DCDC2C: variants seen among roughly 807,000 people sequenced by gnomAD.
DCDC2C encodes doublecortin domain containing 2C, also known as doublecortin domain-containing protein 2C.
Under a neutral mutation model 45.0 loss-of-function variants are expected in DCDC2C, and 44 were observed. That is an observed-to-expected ratio of 0.98 (90% CI 0.77 to 1.26). The LOEUF (loss-of-function observed/expected upper bound fraction) is 1.26, where lower values mean the gene tolerates loss of function less well. DCDC2C is among the 50% of genes most tolerant of loss of function. The pLI, the probability that DCDC2C is intolerant of heterozygous loss-of-function variation, is 0.00. For missense variants in DCDC2C, 447 were observed against 468.9 expected, an observed-to-expected ratio of 0.95 and a Z score of 0.43; for synonymous variants, 187 against 178.8, an observed-to-expected ratio of 1.05 and a Z score of -0.37.
chr2:3,780,508 G>T (rs770717416), intron 9 of DCDC2C, among the ~76,000 whole-genome samples: 10 of 152,138 alleles, frequency 6.6e-5, no homozygotes, highest in Non-Finnish European at 1.3e-4. Context: ...CTTAATGTAA[G>T]CACTATCACT....
chr2:3,754,498 C>T (rs558411805), intron 5 of DCDC2C, 94 bp from the exon 6 acceptor site: 1 of 1,295,042 alleles, frequency 7.7e-7, no homozygotes, highest in African/African-American at 1.5e-5. Flanking sequence ...CTCGTGGTCA[C>T]TTCCCTCCTA....
At chr2:3,799,995 G>C (rs1353638531) in intron 10 of DCDC2C, among the ~76,000 whole-genome samples, 1 of 152,198 alleles carries the variant, frequency 6.6e-6, no homozygotes, top group Non-Finnish European at 1.5e-5. Context: ...TTTGATCTCA[G>C]ACTGCTGTGC....
chr2:3,729,078 A>T (rs368060610), intron 3 of DCDC2C, among the ~76,000 whole-genome samples: 4 of 152,206 alleles, frequency 2.6e-5, no homozygotes, highest in East Asian at 1.9e-4. Context: ...TTCCACTTAT[A>T]CTGGCGTGGA....
At chr2:3,770,415 G>A (rs1005584732) in intron 8 of DCDC2C, among the ~76,000 whole-genome samples, 24 of 152,184 alleles carry the variant, frequency 1.6e-4, no homozygotes, top group African/African-American at 5.5e-4. Context: ...ATTACAGACT[G>A]CCTCTCAATA....
intron 2 of DCDC2C, among the ~76,000 whole-genome samples, chr2:3,724,632 A>G (rs917983185): frequency 6.6e-6 from 1 of 152,108 alleles, no homozygotes; most frequent in Admixed American, 6.5e-5. Context: ...CTCCTGTAAC[A>G]TTAATAGGTT....
intron 2 of DCDC2C, among the ~76,000 whole-genome samples, chr2:3,712,082 A>G (rs114603656): frequency 0.025 from 3,834 of 152,274 alleles, 175 homozygotes; most frequent in African/African-American, 0.088. Context: ...ACACATGTCA[A>G]TGGTGGAGCC....
intron 10 of DCDC2C, among the ~76,000 whole-genome samples, chr2:3,840,925 T>C (rs188021291): frequency 1.3e-5 from 2 of 152,366 alleles, no homozygotes; most frequent in African/African-American, 4.8e-5. Context: ...TGTGCTCATG[T>C]GGACTTTGAG....
Position 3,703,594 on chromosome 2 carries a change from C to A in DCDC2C, c.-158C>A. ...CCTGGCAGCCCCGTCCCGTCCCCGT[C>A]CAGCCCCCGTCCCGTCCCCGTCCCG... is the stretch of plus-strand genomic sequence containing the variant. On this transcript the variant is annotated 5_prime_UTR_variant, in exon 1 of 11. Transcript: ENST00000399143. This position sits in a 1 kb window ranked among gnomAD's most constrained non-coding sequence, Gnocchi z 4.4. 1.4e-6 allele frequency: 1 copy of A among 707,536 alleles called. No individual in the cohort carries two copies. Among genetic ancestry groups the A allele is most frequent in the Non-Finnish European group, 1.9e-6 (1 of 523,292 alleles). 43.8% of individuals were successfully genotyped at this position (707,536 alleles called of 1,614,324 possible).
intron 10 of DCDC2C, among the ~76,000 whole-genome samples, chr2:3,841,195 CAT>C (rs957687835): frequency 1.3e-5 from 2 of 152,110 alleles, no homozygotes; most frequent in Non-Finnish European, 2.9e-5. Context: ...TTTAGACACA[CAT>C]GAGTATCCTT....
At chr2:3,774,791 A>G (rs1670284215) in intron 8 of DCDC2C, among the ~76,000 whole-genome samples, 1 of 147,628 alleles carries the variant, frequency 6.8e-6, no homozygotes, top group African/African-American at 2.5e-5. Context: ...TTTGAGATGG[A>G]GTTTTGCTCT....
In DCDC2C at chr2:3,847,700, A is replaced by C. The variant is rs1672366601; in HGVS notation, c.*517A>C. Among the ~76,000 whole-genome samples the C allele has an allele frequency of 6.6e-6, 1 of 152,272 alleles. No homozygotes were observed. Among genetic ancestry groups the C allele is most frequent in the Admixed American group, 6.5e-5 (1 of 15,300 alleles). ...TGGTTTGGCTGTATGTCCTCACTCAAATCTCATGTCGAATTGTAATCCCCA... is the reference window on the plus strand; with the variant it reads ...TGGTTTGGCTGTATGTCCTCACTCACATCTCATGTCGAATTGTAATCCCCA... On this transcript the variant is annotated 3_prime_UTR_variant, in exon 11 of 11. Coordinates refer to ENST00000399143, the MANE Select transcript of DCDC2C (RefSeq NM_001287444.2).
chr2:3,815,413 G>T lies in DCDC2C; in HGVS notation c.1065+30313G>T, dbSNP rs1671530872. Among the ~76,000 whole-genome samples the T allele has an allele frequency of 2.0e-5, 3 of 152,332 alleles. No individual in the cohort carries two copies. The South Asian group carries it at 6.2e-4, about 32-fold the overall frequency. On this transcript the variant is annotated intron_variant, in intron 10 of 10. Coordinates refer to ENST00000399143, the MANE Select transcript of DCDC2C (RefSeq NM_001287444.2). ...CTGGATATCTTGGCTGCTGATGAAG[G>T]ATTCACATGCTTATTATGGTTTTCT...
intron 2 of DCDC2C, among the ~76,000 whole-genome samples, chr2:3,724,828 C>G (rs1206776092): frequency 2.0e-5 from 3 of 152,142 alleles, no homozygotes; most frequent in African/African-American, 7.2e-5. Context: ...AGTGGGTAGG[C>G]AGCAGACCCC....
intron 10 of DCDC2C, 76 bp from the exon 11 acceptor site, chr2:3,847,078 G>A (rs1672352882): frequency 9.7e-7 from 1 of 1,031,330 alleles, no homozygotes; most frequent in South Asian, 4.9e-5. Context: ...AAGCTCCTGA[G>A]AGAACCAGAA....
intron 2 of DCDC2C, among the ~76,000 whole-genome samples, chr2:3,720,285 G>A (rs1270543206): frequency 1.3e-5 from 2 of 152,236 alleles, no homozygotes; most frequent in Non-Finnish European, 2.9e-5. Flanking sequence ...AGAGTCAGCT[G>A]CGGAAAGTAT....
chr2:3,721,765 G>A lies in DCDC2C; in HGVS notation c.340-5238G>A, dbSNP rs190214319. On this transcript the variant is annotated intron_variant, in intron 2 of 10. Coordinates refer to ENST00000399143, the MANE Select transcript of DCDC2C (RefSeq NM_001287444.2). ...GGCAGGTCTTTCCTGTGCTGTTCTC[G>A]TGATAGTGAATGAGTTCATGAGATC... Among the ~76,000 whole-genome samples, 27 of 152,238 alleles carry A rather than the reference G, an allele frequency of 1.8e-4. No homozygotes were observed. The East Asian group carries it at 4.6e-3, about 26-fold the overall frequency.
intron 3 of DCDC2C, among the ~76,000 whole-genome samples, chr2:3,737,317 A>G (rs1446518073): frequency 6.6e-6 from 1 of 152,166 alleles, no homozygotes; most frequent in Non-Finnish European, 1.5e-5. Flanking sequence ...TCTTGAGAGC[A>G]AGCATTAGGC....
At chr2:3,729,818 G>C (rs916589287) in intron 3 of DCDC2C, among the ~76,000 whole-genome samples, 4 of 152,184 alleles carry the variant, frequency 2.6e-5, no homozygotes, top group Non-Finnish European at 1.5e-5. Context: ...TTCTCAGGTG[G>C]GTGTTTAGTG....
intron 10 of DCDC2C, among the ~76,000 whole-genome samples, chr2:3,815,408 TG>T (rs1671530794): frequency 6.6e-6 from 1 of 152,258 alleles, no homozygotes; most frequent in Non-Finnish European, 1.5e-5. Context: ...TGGCTGCTGA[TG>T]AAGGATTCAC....
Sources: allele counts gnomAD v4.1 joint callset (sites outside exome capture counted in the v4.1 genomes callset), GRCh38; gene constraint gnomAD v4.1.1; non-coding constraint Gnocchi (gnomAD v3.1); transcripts MANE v1.5; gene names NCBI Gene and HGNC (gene_info 2026-07-23, HGNC 2026-07-21).